Variants in ERBB4 observed in about 807,000 individuals in gnomAD.
ERBB4 encodes the protein erb-b2 receptor tyrosine kinase 4.
ERBB4 carries 42 observed loss-of-function variants against 158.0 expected under a neutral mutation model. That is an observed-to-expected ratio of 0.27 (90% confidence interval 0.21 to 0.34). ERBB4 has a LOEUF of 0.34. ERBB4 is among the 10% of genes least tolerant of loss of function. The probability of loss-of-function intolerance (pLI) is 1.00; values close to 1 mark genes in which losing one functional copy is unlikely to be tolerated. For synonymous variants in ERBB4, 583 were observed against 558.7 expected (o/e 1.04, Z -0.61); for missense variants, 1,333 against 1,624.1 (o/e 0.82, Z 3.08).
Position 211,456,804 on chromosome 2 carries a change from TC to T in ERBB4, c.2488-25705del, listed in dbSNP as rs571956221. Among the ~76,000 whole-genome samples the T allele has an allele frequency of 3.3e-3, 496 of 152,166 alleles. 2 individuals are homozygous for T. The highest frequency in any genetic ancestry group is 0.011 in the African/African-American group (459 of 41,514). Reference sequence around the variant, plus strand: ...TCGCATGCACAGTTCACAATAGGGATCCCACTCCTATGAGAATCTAATGCTG... The same window carrying T: ...TCGCATGCACAGTTCACAATAGGGATCCACTCCTATGAGAATCTAATGCTG... On this transcript the variant is annotated intron_variant, in intron 20 of 27. Coordinates refer to ENST00000342788, the MANE Select transcript of ERBB4 (RefSeq NM_005235.3).
At chr2:212,486,369 C>T (rs1004689332) in intron 1 of ERBB4, among the ~76,000 whole-genome samples, 2 of 151,918 alleles carry the variant, frequency 1.3e-5, no homozygotes, top group Admixed American at 6.6e-5. Context: ...TCATAATGCA[C>T]GGAAAATCAA....
chr2:212,214,586 A>G (rs986431083), intron 1 of ERBB4, among the ~76,000 whole-genome samples: 4 of 151,764 alleles, frequency 2.6e-5, no homozygotes, highest in African/African-American at 9.7e-5. Context: ...ATACCATCAC[A>G]CACCTGGTAA....
intron 20 of ERBB4, among the ~76,000 whole-genome samples, chr2:211,528,062 G>A (rs1224246029): frequency 2.0e-5 from 3 of 151,956 alleles, no homozygotes; most frequent in Non-Finnish European, 4.4e-5. Context: ...AAAAGACAGA[G>A]TGGCTGCATG....
intron 1 of ERBB4, among the ~76,000 whole-genome samples, chr2:212,446,637 A>ATATATATATATC (rs1574935617): frequency 2.0e-5 from 2 of 99,352 alleles, no homozygotes; most frequent in African/African-American, 3.6e-5. Context: ...ATATATATAT[A>ATATATATATATC]TCCTATTAGT....
chr2:211,926,392 T>A (rs1444146458), intron 3 of ERBB4, among the ~76,000 whole-genome samples: 2 of 152,198 alleles, frequency 1.3e-5, no homozygotes, highest in African/African-American at 4.8e-5. Flanking sequence ...TACTTTTACA[T>A]ATACTTCCAT....
At chr2:211,658,974 T>C (rs73080744) in intron 15 of ERBB4, among the ~76,000 whole-genome samples, 1,532 of 152,260 alleles carry the variant, frequency 0.01, 25 homozygotes, top group African/African-American at 0.035. Context: ...TTAGGATTTA[T>C]AGAAGTGCCT....
Position 211,379,102 on chromosome 2 carries a change from T to C in ERBB4, c.*4513A>G, listed in dbSNP as rs923184754. 4.3e-6 allele frequency: 1 copy of C among 231,228 alleles called. No individual in the cohort carries two copies. Among genetic ancestry groups the C allele is most frequent in the Non-Finnish European group, 8.6e-6 (1 of 116,912 alleles). The allele number at this position is 231,228 out of a possible 1,614,324, so 14.3% of individuals were successfully genotyped here. On this transcript the variant is annotated 3_prime_UTR_variant, in exon 28 of 28. Coordinates refer to ENST00000342788, the MANE Select transcript of ERBB4 (RefSeq NM_005235.3). ...AGTTTGAAACGCTTGGTTTAGCATT[T>C]ATTTATCAGAAAAATTGTGATTCTT...
intron 2 of ERBB4, among the ~76,000 whole-genome samples, chr2:212,055,661 C>A (rs182229109): frequency 4.7e-4 from 71 of 152,322 alleles, no homozygotes; most frequent in Admixed American, 1.3e-4. Context: ...GATACCCAGG[C>A]GAACAGGATT....
At chr2:211,424,502 T>C (rs1263360793) in intron 22 of ERBB4, among the ~76,000 whole-genome samples, 2 of 152,060 alleles carry the variant, frequency 1.3e-5, no homozygotes, top group African/African-American at 4.8e-5. Context: ...AATTTTCTTA[T>C]TATTGTCTTG....
At chr2:212,229,954 T>C (rs1245469757) in intron 1 of ERBB4, among the ~76,000 whole-genome samples, 1 of 152,040 alleles carries the variant, frequency 6.6e-6, no homozygotes, top group African/African-American at 2.4e-5. Context: ...CTAAGCAAAA[T>C]GCGATAGAAA....
intron 1 of ERBB4, among the ~76,000 whole-genome samples, chr2:212,323,361 GC>G (rs1417055450): frequency 1.3e-5 from 2 of 150,500 alleles, no homozygotes; most frequent in African/African-American, 2.4e-5. Context: ...AAGATTGAAA[GC>G]AAAGACTATT....
At chr2:211,759,707 T>C (rs2075362743) in intron 4 of ERBB4, among the ~76,000 whole-genome samples, 1 of 152,178 alleles carries the variant, frequency 6.6e-6, no homozygotes, top group Admixed American at 6.5e-5. Context: ...AGATTTTATT[T>C]CTAATAGATG....
At chr2:212,474,992 C>T (rs1689313169) in intron 1 of ERBB4, among the ~76,000 whole-genome samples, 1 of 151,894 alleles carries the variant, frequency 6.6e-6, no homozygotes, top group Admixed American at 6.6e-5. Context: ...GGTCCTCCCG[C>T]TTAGGCTTTC....
intron 25 of ERBB4, among the ~76,000 whole-genome samples, chr2:211,394,207 G>C (rs908979245): frequency 2.0e-4 from 30 of 152,196 alleles, no homozygotes; most frequent in African/African-American, 6.7e-4. Context: ...AATGTTATTA[G>C]CACAGTCAAA....
intron 19 of ERBB4, among the ~76,000 whole-genome samples, chr2:211,576,293 A>T (rs761997855): frequency 6.6e-6 from 1 of 152,156 alleles, no homozygotes; most frequent in Non-Finnish European, 1.5e-5. Flanking sequence ...AGCAAGTGGC[A>T]GTGGGAAAAG....
intron 23 of ERBB4, among the ~76,000 whole-genome samples, chr2:211,423,399 T>C (rs1209884699): frequency 6.6e-6 from 1 of 151,958 alleles, no homozygotes; most frequent in Non-Finnish European, 1.5e-5. Flanking sequence ...GCTAACCCCG[T>C]GTAAATCAGA....
At position 211,876,881 on chromosome 2, in the gene ERBB4, A is replaced by C. The variant is rs143812033; in HGVS notation, c.421+70549T>G. Reference sequence around the variant, plus strand: ...AAATATTTTAAAAACCTAAATATTAAACAGTATTAAATGAAAAAATTAACA... The same window carrying C: ...AAATATTTTAAAAACCTAAATATTACACAGTATTAAATGAAAAAATTAACA... On this transcript the variant is annotated intron_variant, in intron 3 of 27. Transcript: ENST00000342788. Among the ~76,000 whole-genome samples, 702 of 152,296 alleles carry C rather than the reference A, an allele frequency of 4.6e-3. 4 individuals carry two copies. Among genetic ancestry groups the C allele is most frequent in the African/African-American group, 0.016 (676 of 41,560 alleles).
intron 19 of ERBB4, among the ~76,000 whole-genome samples, chr2:211,601,004 C>T (rs769862342): frequency 2.1e-4 from 32 of 152,062 alleles, no homozygotes; most frequent in Non-Finnish European, 3.1e-4. Flanking sequence ...TAAAAACAGA[C>T]CCGATTTAAA....
At chr2:212,211,449 G>C (rs1355806150) in intron 1 of ERBB4, among the ~76,000 whole-genome samples, 1 of 152,076 alleles carries the variant, frequency 6.6e-6, no homozygotes, top group Non-Finnish European at 1.5e-5. Flanking sequence ...CTATTTTTCT[G>C]ATTTCTGTGT....
Sources: allele counts gnomAD v4.1 joint callset (sites outside exome capture counted in the v4.1 genomes callset), GRCh38; gene constraint gnomAD v4.1.1; transcripts MANE v1.5; gene names NCBI Gene and HGNC (gene_info 2026-07-23, HGNC 2026-07-21).